ANOS1: variants seen among roughly 807,000 people sequenced by gnomAD.
ANOS1 encodes anosmin-1.
Under a neutral mutation model 59.0 loss-of-function variants are expected in ANOS1, and 6 were observed. The observed-to-expected ratio is 0.10, with a 90% CI of 0.06 to 0.20. The LOEUF (loss-of-function observed/expected upper bound fraction) is 0.20. ANOS1 is among the 10% of genes least tolerant of loss of function. The pLI is 1.00. For missense variants in ANOS1, 433 were observed against 542.3 expected (o/e 0.80, Z 2.00); for synonymous variants, 217 against 223.4 (o/e 0.97, Z 0.25).
intron 2 of ANOS1, among the ~76,000 whole-genome samples, chrX:8,647,991 T>C (rs997292018): frequency 2.7e-5 from 3 of 112,440 alleles, no homozygotes; most frequent in Non-Finnish European, 5.6e-5. Context: ...GGCATAGTGT[T>C]ATAAATTGAT....
intron 2 of ANOS1, among the ~76,000 whole-genome samples, chrX:8,666,056 A>G (rs1444188786): frequency 9.1e-6 from 1 of 109,954 alleles, no homozygotes; most frequent in Non-Finnish European, 1.9e-5. Context: ...AAAAAAATTA[A>G]TTAGCTGGAC....
rs139388075 is a variant in ANOS1, at chrX:8,729,421, G to C, written c.207+2409C>G. 5.0e-5 allele frequency among the ~76,000 whole-genome samples: 3 copies of C among 59,528 alleles called. No individual in the cohort carries two copies. The South Asian group carries it at 3.6e-3, about 72-fold the overall frequency. The allele number at this position is 59,528 out of a possible 115,157, so 51.7% of individuals were successfully genotyped here. On this transcript the variant is annotated intron_variant, in intron 1 of 13. Coordinates refer to ENST00000262648, the MANE Select transcript of ANOS1 (RefSeq NM_000216.4). ...TTTTTTTTTTTTTTTTTTTTTTTGA[G>C]ACAGTCTTGCTCTGTCACCCAGGCT...
rs1473468031 is a variant in ANOS1 at position 8,570,700 on chromosome X, T to C, written c.861A>G (p.Pro287=). 5.8e-6 allele frequency: 7 copies of C among 1,209,512 alleles called. No homozygotes were observed. The highest frequency in any genetic ancestry group is 6.7e-6 in the Non-Finnish European group (6 of 893,907). ...PSKHFRSSKD[P]SAPPAPANLR... is the part of the protein sequence containing the mutation. ...GGTTAGCCGGTGCTGGTGGGGCAGA[T>C]GGATCTGAAATCCCAGTACAAAGAC... is the stretch of plus-strand genomic sequence containing the variant. Residue 287 remains proline, a synonymous_variant, in exon 7 of 14, where the codon CCA becomes CCG. Transcript: ENST00000262648.
chrX:8,611,048 A>G (rs1481423933), intron 3 of ANOS1, among the ~76,000 whole-genome samples: 1 of 110,989 alleles, frequency 9.0e-6, no homozygotes, highest in Admixed American at 9.7e-5. Flanking sequence ...GACATTTAAG[A>G]ACTAATATAA....
intron 2 of ANOS1, among the ~76,000 whole-genome samples, chrX:8,674,212 G>A (rs1304302019): frequency 2.7e-5 from 3 of 111,802 alleles, no homozygotes; most frequent in Non-Finnish European, 5.6e-5. Flanking sequence ...AAGATAAGAC[G>A]CAGAATCAAC....
At chrX:8,663,740 C>A (rs932996306) in intron 2 of ANOS1, among the ~76,000 whole-genome samples, 1 of 111,820 alleles carries the variant, frequency 8.9e-6, no homozygotes, top group Admixed American at 9.5e-5. Flanking sequence ...CTTCCCTTTC[C>A]TTCCACCAAT....
chrX:8,541,296 G>C lies in ANOS1; in HGVS notation c.1355-1538C>G, dbSNP rs778246874. Among the ~76,000 whole-genome samples, 99 of 102,915 alleles carry C rather than the reference G, an allele frequency of 9.6e-4. No individual in the cohort carries two copies. The Middle Eastern group carries it at 0.015, about 16-fold the overall frequency. The allele number at this position is 102,915 out of a possible 115,157, so 89.4% of individuals were successfully genotyped here. The stretch of plus-strand genomic sequence containing the variant: ...CAGGCGCCTGTAATCCCAGCTACTC[G>C]GGAGGCTGAGGCCAGAGAATCTCTT... On this transcript the variant is annotated intron_variant, in intron 9 of 13. Coordinates refer to ENST00000262648, the MANE Select transcript of ANOS1 (RefSeq NM_000216.4).
chrX:8,685,666 G>T (rs1054859348), intron 2 of ANOS1, among the ~76,000 whole-genome samples: 22 of 102,841 alleles, frequency 2.1e-4, no homozygotes, highest in Non-Finnish European at 4.0e-4. Flanking sequence ...GAAAAAGAAA[G>T]GAAGGAAGGA....
At chrX:8,664,339 C>T (rs1216413347) in intron 2 of ANOS1, among the ~76,000 whole-genome samples, 9 of 110,435 alleles carry the variant, frequency 8.1e-5, no homozygotes, top group South Asian at 4.0e-4. Flanking sequence ...TACAGGAGTG[C>T]GCCACCACGC....
intron 8 of ANOS1, among the ~76,000 whole-genome samples, chrX:8,558,798 C>T (rs1929987178): frequency 8.9e-6 from 1 of 111,844 alleles, no homozygotes; most frequent in South Asian, 3.8e-4. Flanking sequence ...ATGCCAACTT[C>T]AGCTTCATCA....
intron 1 of ANOS1, among the ~76,000 whole-genome samples, chrX:8,724,319 G>T (rs765052212): frequency 8.9e-6 from 1 of 111,917 alleles, no homozygotes; most frequent in Admixed American, 9.5e-5. Context: ...TTGAAATGGG[G>T]TTTCTCGGAC....
intron 6 of ANOS1, among the ~76,000 whole-genome samples, chrX:8,573,450 A>T (rs189424741): frequency 1.8e-5 from 2 of 110,994 alleles, no homozygotes; most frequent in Non-Finnish European, 3.8e-5. Context: ...TCTAGACAGG[A>T]GAGTGTTCTG....
At chrX:8,583,122 CTT>C (rs35726224) in intron 6 of ANOS1, among the ~76,000 whole-genome samples, 2 of 95,742 alleles carry the variant, frequency 2.1e-5, no homozygotes, top group Admixed American at 1.2e-4. Context: ...TGCTTTTGGC[CTT>C]TTTTTTTTTT....
chrX:8,729,712 T>TAAAAA (rs1173021674), intron 1 of ANOS1, among the ~76,000 whole-genome samples: 1 of 63,087 alleles, frequency 1.6e-5, no homozygotes, highest in African/African-American at 5.9e-5. Context: ...TTCTAATTAT[T>TAAAAA]AAAAAAAAAA....
chrX:8,623,782 GT>G, intron 2 of ANOS1, 112 bp from the exon 3 acceptor site: 1 of 606,789 alleles, frequency 1.6e-6, no homozygotes, highest in Non-Finnish European at 2.6e-6. Context: ...ATTCTAGTTA[GT>G]TTAGAAAACC....
At chrX:8,612,266 A>G (rs1447536601) in intron 3 of ANOS1, among the ~76,000 whole-genome samples, 3 of 112,025 alleles carry the variant, frequency 2.7e-5, no homozygotes, top group Non-Finnish European at 3.8e-5. Context: ...TCAAAAATGG[A>G]ATCACAGAAG....
chrX:8,700,662 T>A (rs1932748814), intron 1 of ANOS1, among the ~76,000 whole-genome samples: 1 of 112,370 alleles, frequency 8.9e-6, no homozygotes, highest in South Asian at 3.7e-4. Context: ...CAATATCTCA[T>A]GCATCAGGCC....
In ANOS1 at chrX:8,532,694, C is replaced by G; in HGVS notation, c.*301G>C. On this transcript the variant is annotated 3_prime_UTR_variant, in exon 14 of 14. Coordinates refer to ENST00000262648, the MANE Select transcript of ANOS1 (RefSeq NM_000216.4). Reference sequence around the variant, plus strand: ...CTCCAAATTCAGGGAAAACTGAGTTCTGTTGTAATTCAATAGAAATGAGCG... The same window carrying G: ...CTCCAAATTCAGGGAAAACTGAGTTGTGTTGTAATTCAATAGAAATGAGCG... The G allele has an allele frequency of 9.4e-6, 2 of 213,226 alleles. No individual in the cohort carries two copies. The highest frequency in any genetic ancestry group is 1.7e-5 in the Non-Finnish European group (2 of 116,286). The allele number at this position is 213,226 out of a possible 1,213,427, so 17.6% of individuals were successfully genotyped here.
At chrX:8,670,786 A>G (rs989515328) in intron 2 of ANOS1, among the ~76,000 whole-genome samples, 2 of 111,646 alleles carry the variant, frequency 1.8e-5, no homozygotes, top group Non-Finnish European at 3.8e-5. Flanking sequence ...ATGAATTTTA[A>G]CAGGGCTTCC....
Sources: gnomAD v4.1 joint callset for allele counts (sites outside exome capture counted in the v4.1 genomes callset) on GRCh38, gnomAD v4.1.1 for gene constraint, MANE v1.5 for transcripts, NCBI Gene and HGNC (gene_info 2026-07-23, HGNC 2026-07-21) for gene names.